Variants in MACROD2 observed in about 807,000 individuals in gnomAD.
MACROD2 encodes the protein mono-ADP ribosylhydrolase 2, also known as ADP-ribose glycohydrolase MACROD2.
Under a neutral mutation model 70.4 loss-of-function variants are expected in MACROD2, and 36 were observed. That is an observed-to-expected ratio of 0.51 (90% CI 0.39 to 0.68). The LOEUF (loss-of-function observed/expected upper bound fraction) is 0.68. Ranked by LOEUF, MACROD2 falls within the 30% of genes least tolerant of loss-of-function variation. The pLI is 0.00. For synonymous variants in MACROD2, 172 were observed against 178.8 expected (o/e 0.96, Z 0.30); for missense variants, 496 against 538.4 (o/e 0.92, Z 0.78).
intron 3 of MACROD2, 69 bp downstream of exon 3, chr20:14,085,797 G>A (rs938295410): frequency 6.3e-5 from 55 of 872,642 alleles, no homozygotes; most frequent in Non-Finnish European, 7.1e-5. Context: ...AAATAAATAA[G>A]AATGTAAGTA....
At chr20:15,700,402 C>T (rs1311007418) in intron 8 of MACROD2, among the ~76,000 whole-genome samples, 1 of 152,186 alleles carries the variant, frequency 6.6e-6, no homozygotes, top group Non-Finnish European at 1.5e-5. Context: ...TCCCTTGGGG[C>T]GTGGAATCCC....
At chr20:14,287,734 T>A (rs543888280) in intron 3 of MACROD2, among the ~76,000 whole-genome samples, 3 of 152,270 alleles carry the variant, frequency 2.0e-5, no homozygotes, top group Admixed American at 2.0e-4. Context: ...AGAAAGGATC[T>A]GCTTTCTTGG....
intron 3 of MACROD2, among the ~76,000 whole-genome samples, chr20:14,392,462 A>G (rs1187354709): frequency 6.6e-6 from 1 of 152,208 alleles, no homozygotes; most frequent in Non-Finnish European, 1.5e-5. Context: ...AGGGTTTTAA[A>G]TATTATAAAT....
intron 8 of MACROD2, among the ~76,000 whole-genome samples, chr20:15,639,586 G>C (rs1230052652): frequency 6.6e-6 from 1 of 152,168 alleles, no homozygotes; most frequent in Non-Finnish European, 1.5e-5. Context: ...CTTCAAGGCA[G>C]ATAGTTCCTG....
intron 5 of MACROD2, among the ~76,000 whole-genome samples, chr20:15,045,226 A>G (rs1240259010): frequency 6.6e-6 from 1 of 152,190 alleles, no homozygotes; most frequent in African/African-American, 2.4e-5. Context: ...GAAGACCCTA[A>G]TCAGAAAACA....
chr20:14,680,366 G>C (rs1339039059), intron 4 of MACROD2, among the ~76,000 whole-genome samples: 1 of 152,144 alleles, frequency 6.6e-6, no homozygotes, highest in African/African-American at 2.4e-5. Context: ...CCAAGTTAGA[G>C]GGGGCTTGGC....
chr20:14,832,821 T>G (rs2072986920), intron 5 of MACROD2, among the ~76,000 whole-genome samples: 1 of 152,068 alleles, frequency 6.6e-6, no homozygotes, highest in Non-Finnish European at 1.5e-5. Flanking sequence ...GAAGTAGAAG[T>G]GAGGTAGAGA....
chr20:14,792,025 A>G (rs1000139812), intron 5 of MACROD2, among the ~76,000 whole-genome samples: 6 of 151,998 alleles, frequency 3.9e-5, no homozygotes, highest in Non-Finnish European at 7.4e-5. Flanking sequence ...TTTATCTTAC[A>G]GTTACATAAT....
At chr20:15,654,266 T>A (rs1463445755) in intron 8 of MACROD2, among the ~76,000 whole-genome samples, 1 of 151,954 alleles carries the variant, frequency 6.6e-6, no homozygotes, top group African/African-American at 2.4e-5. Flanking sequence ...CCCATTTACT[T>A]AGCATACTGA....
intron 6 of MACROD2, among the ~76,000 whole-genome samples, chr20:15,375,393 G>C (rs1385282503): frequency 1.3e-5 from 2 of 152,100 alleles, no homozygotes; most frequent in Non-Finnish European, 2.9e-5. Flanking sequence ...TTAATTGAAA[G>C]AGCTCCAAGA....
intron 5 of MACROD2, among the ~76,000 whole-genome samples, chr20:14,761,310 G>C (rs2072012283): frequency 6.6e-6 from 1 of 152,072 alleles, no homozygotes; most frequent in African/African-American, 2.4e-5. Context: ...AGTTGCTGAG[G>C]ACTGGCTTTC....
At chr20:14,082,383 G>A (rs1204997794) in intron 2 of MACROD2, among the ~76,000 whole-genome samples, 4 of 147,384 alleles carry the variant, frequency 2.7e-5, no homozygotes, top group Admixed American at 2.0e-4. Flanking sequence ...TAGTAGAGAC[G>A]GAGTTTCACC....
chr20:14,115,708 T>C (rs890156591), intron 3 of MACROD2, among the ~76,000 whole-genome samples: 1 of 152,166 alleles, frequency 6.6e-6, no homozygotes, highest in African/African-American at 2.4e-5. Context: ...TTTTGGGACT[T>C]GAAGAGTGAA....
At chr20:14,391,296 A>G (rs183080416) in intron 3 of MACROD2, among the ~76,000 whole-genome samples, 1 of 152,384 alleles carries the variant, frequency 6.6e-6, no homozygotes, top group East Asian at 1.9e-4. Flanking sequence ...CAGCCATAAA[A>G]GGAACAAGAT....
chr20:14,847,631 C>G (rs2073157817), intron 5 of MACROD2, among the ~76,000 whole-genome samples: 1 of 145,838 alleles, frequency 6.9e-6, no homozygotes, highest in Non-Finnish European at 1.5e-5. Context: ...GGTAAGATGA[C>G]AGTCCCCCCT....
At chr20:14,019,413 G>A (rs1240899632) in intron 2 of MACROD2, among the ~76,000 whole-genome samples, 1 of 152,094 alleles carries the variant, frequency 6.6e-6, no homozygotes, top group Non-Finnish European at 1.5e-5. Flanking sequence ...CTGGGACCAG[G>A]CACGTGCCAC....
intron 5 of MACROD2, among the ~76,000 whole-genome samples, chr20:15,065,080 C>T (rs1374797731): frequency 1.3e-5 from 2 of 152,138 alleles, no homozygotes; most frequent in Non-Finnish European, 2.9e-5. Flanking sequence ...GATGACAGAT[C>T]TTGACAGTAT....
intron 4 of MACROD2, among the ~76,000 whole-genome samples, chr20:14,640,709 AT>A (rs1985043054): frequency 6.6e-6 from 1 of 152,216 alleles, no homozygotes; most frequent in South Asian, 2.1e-4. Context: ...CGCATATGGA[AT>A]TTATGTTTAT....
intron 2 of MACROD2, among the ~76,000 whole-genome samples, chr20:14,018,830 A>G (rs1372541180): frequency 3.3e-5 from 5 of 152,218 alleles, no homozygotes; most frequent in Admixed American, 2.0e-4. Flanking sequence ...AGCAAATATT[A>G]TGGCACCAGC....
Sources: allele counts gnomAD v4.1 joint callset (sites outside exome capture counted in the v4.1 genomes callset), GRCh38; gene constraint gnomAD v4.1.1; transcripts MANE v1.5; gene names NCBI Gene and HGNC (gene_info 2026-07-23, HGNC 2026-07-21).